DLGAP2: variants seen among roughly 807,000 people sequenced by gnomAD.
DLGAP2 encodes DLG associated protein 2, also known as disks large-associated protein 2.
A neutral mutation model predicts 100.3 loss-of-function variants in DLGAP2; 26 were observed. That is an observed-to-expected ratio of 0.26 (90% CI 0.19 to 0.36). The LOEUF is 0.36. Among genes scored for constraint, DLGAP2 ranks in the 10% least tolerant of loss-of-function variants. The probability of loss-of-function intolerance (pLI) is 1.00; values close to 1 mark genes in which losing one functional copy is unlikely to be tolerated. For missense variants in DLGAP2, 1,858 were observed against 1,453.2 expected (o/e 1.28, Z -4.53); for synonymous variants, 886 against 630.1 (o/e 1.41, Z -6.08).
At chr8:800,470 C>G (rs952946050) in intron 1 of DLGAP2, among the ~76,000 whole-genome samples, 3 of 152,202 alleles carry the variant, frequency 2.0e-5, no homozygotes, top group African/African-American at 4.8e-5. Flanking sequence ...GGCGGAGCAG[C>G]CTCCATCTGC....
chr8:1,188,142 C>T (rs1238679624), intron 2 of DLGAP2, among the ~76,000 whole-genome samples: 1 of 142,644 alleles, frequency 7.0e-6, no homozygotes, highest in African/African-American at 2.7e-5. Flanking sequence ...TCTCGCACGC[C>T]CGGGACTTCC....
At chr8:1,542,782 G>T (rs1282598094) in intron 4 of DLGAP2, among the ~76,000 whole-genome samples, 1 of 152,122 alleles carries the variant, frequency 6.6e-6, no homozygotes, top group Non-Finnish European at 1.5e-5. Context: ...GGCTTTTGGT[G>T]ACTCTGTGTT....
intron 1 of DLGAP2, among the ~76,000 whole-genome samples, chr8:749,146 A>T (rs546024318): frequency 6.6e-6 from 1 of 152,134 alleles, no homozygotes; most frequent in East Asian, 1.9e-4. Context: ...CTACAGGTGC[A>T]CACCACCACA....
intron 2 of DLGAP2, among the ~76,000 whole-genome samples, chr8:975,093 A>C (rs6983209): frequency 0.012 from 1,822 of 152,286 alleles, 43 homozygotes; most frequent in African/African-American, 0.042. Flanking sequence ...TTAAAAAGAT[A>C]ATAAAAGAAT....
Position 1,551,377 on chromosome 8 carries a change from G to A in DLGAP2, c.1230+1694G>A, listed in dbSNP as rs1801761223. ...TGTGGATAGTCAGTGTTCCCTGAAT[G>A]AGCACTTCAGGACACTGTCAGAGCC... On this transcript the variant is annotated intron_variant, in intron 5 of 14. Coordinates refer to ENST00000637795, the MANE Select transcript of DLGAP2 (RefSeq NM_001346810.2). Among the ~76,000 whole-genome samples, 2 of 152,080 alleles carry A rather than the reference G, an allele frequency of 1.3e-5. 1 individual carries two copies. The highest frequency in any genetic ancestry group is 4.1e-4 in the South Asian group (2 of 4,820).
chr8:1,273,518 G>T (rs1023277538), intron 3 of DLGAP2, among the ~76,000 whole-genome samples: 2 of 152,182 alleles, frequency 1.3e-5, no homozygotes, highest in African/African-American at 4.8e-5. Flanking sequence ...GGCAGTTCAC[G>T]TGCTCAAGTG....
intron 2 of DLGAP2, among the ~76,000 whole-genome samples, chr8:1,007,634 T>G (rs149432488): frequency 4.5e-4 from 62 of 138,102 alleles, no homozygotes; most frequent in Admixed American, 5.2e-4. Context: ...GTTTTTTTTT[T>G]TGGGGGGGGG....
In DLGAP2 at chr8:1,705,863, C is replaced by A. The variant is rs1178594015; in HGVS notation, c.*4457C>A. ...TAGGCGTGGGTTGAATACAAGTTTC[C>A]AAAACTTTAAAATAGAAAACCACGA... is the stretch of plus-strand genomic sequence containing the variant. On this transcript the variant is annotated 3_prime_UTR_variant, in exon 15 of 15. Coordinates refer to ENST00000637795, the MANE Select transcript of DLGAP2 (RefSeq NM_001346810.2). 1.3e-5 allele frequency: 2 copies of A among 152,074 alleles called. No individual in the cohort carries two copies. The highest frequency in any genetic ancestry group is 2.9e-5 in the Non-Finnish European group (2 of 68,030). The allele number at this position is 152,074 out of a possible 1,614,324, so 9.4% of individuals were successfully genotyped here.
At chr8:917,496 C>T (rs746219670) in intron 2 of DLGAP2, among the ~76,000 whole-genome samples, 1 of 152,158 alleles carries the variant, frequency 6.6e-6, no homozygotes, top group Non-Finnish European at 1.5e-5. Flanking sequence ...CCTTGGCCTC[C>T]CAAAGTGCTG....
intron 3 of DLGAP2, among the ~76,000 whole-genome samples, chr8:1,359,317 C>G (rs1016261363): frequency 6.6e-6 from 1 of 152,200 alleles, no homozygotes; most frequent in Non-Finnish European, 1.5e-5. Flanking sequence ...TGGTTAGACG[C>G]CTTCACCCAA....
intron 3 of DLGAP2, chr8:1,262,416 A>G (rs1799370080): frequency 6.6e-6 from 1 of 152,220 alleles, no homozygotes; most frequent in Admixed American, 6.5e-5. Flanking sequence ...CCTACCAAGA[A>G]GATACAGACA....
At chr8:1,670,330 C>A (rs559305518) in intron 10 of DLGAP2, among the ~76,000 whole-genome samples, 271 of 152,360 alleles carry the variant, frequency 1.8e-3, no homozygotes, top group African/African-American at 6.1e-3. Flanking sequence ...GCCAGGACCC[C>A]ACACCCCTCC....
intron 2 of DLGAP2, among the ~76,000 whole-genome samples, chr8:1,212,757 C>G (rs530435517): frequency 6.8e-6 from 1 of 147,302 alleles, no homozygotes; most frequent in African/African-American, 2.5e-5. Context: ...CTCTCTCTCT[C>G]TCTTCCCCCC....
intron 10 of DLGAP2, among the ~76,000 whole-genome samples, chr8:1,674,902 T>C (rs968484262): frequency 2.0e-5 from 3 of 152,246 alleles, no homozygotes; most frequent in Non-Finnish European, 4.4e-5. Flanking sequence ...AATGTATTAA[T>C]TGTATTACAA....
intron 4 of DLGAP2, among the ~76,000 whole-genome samples, chr8:1,543,430 A>G (rs983980594): frequency 2.0e-5 from 3 of 152,136 alleles, no homozygotes; most frequent in African/African-American, 4.8e-5. Flanking sequence ...TCCTAGCATT[A>G]TTTGTAGGAG....
intron 3 of DLGAP2, among the ~76,000 whole-genome samples, chr8:1,382,181 G>A (rs971235331): frequency 4.6e-5 from 7 of 152,148 alleles, no homozygotes; most frequent in African/African-American, 1.7e-4. Context: ...TGTATTACAT[G>A]CTGTATTCAT....
chr8:1,069,172 C>A (rs1016185870), intron 2 of DLGAP2, among the ~76,000 whole-genome samples: 2 of 152,160 alleles, frequency 1.3e-5, no homozygotes, highest in Non-Finnish European at 2.9e-5. Flanking sequence ...TTGTGGAGAA[C>A]GAATTGGGCC....
intron 2 of DLGAP2, among the ~76,000 whole-genome samples, chr8:1,029,029 T>A (rs1374817212): frequency 2.0e-5 from 3 of 152,166 alleles, no homozygotes; most frequent in Non-Finnish European, 1.5e-5. Flanking sequence ...CTGTCCTAGC[T>A]TCCCCTGAGC....
At chr8:878,942 C>T (rs1797733456) in intron 1 of DLGAP2, among the ~76,000 whole-genome samples, 1 of 152,144 alleles carries the variant, frequency 6.6e-6, no homozygotes. Flanking sequence ...TGTGTTATAG[C>T]AACACAAAAG....
Sources: gnomAD v4.1 joint callset for allele counts (sites outside exome capture counted in the v4.1 genomes callset) on GRCh38, gnomAD v4.1.1 for gene constraint, MANE v1.5 for transcripts, NCBI Gene and HGNC (gene_info 2026-07-23, HGNC 2026-07-21) for gene names.